The following KCNQ3 variants were observed in gnomAD, a reference collection of about 807,000 sequenced individuals.
KCNQ3 encodes potassium voltage-gated channel subfamily KQT member 3.
Under a neutral mutation model 92.5 loss-of-function variants are expected in KCNQ3, and 30 were observed. The ratio of observed to expected loss-of-function variants is 0.32; its 90% CI spans 0.24 to 0.44. The LOEUF is 0.44. Ranked by LOEUF, KCNQ3 falls within the 20% of genes least tolerant of loss-of-function variation. The pLI, the probability that KCNQ3 is intolerant of heterozygous loss-of-function variation, is 1.00. For synonymous variants in KCNQ3, 450 were observed against 468.8 expected (o/e 0.96, Z 0.52); for missense variants, 913 against 1,140.3 (o/e 0.80, Z 2.87).
At chr8:132,297,582 C>G (rs1586905769) in intron 1 of KCNQ3, among the ~76,000 whole-genome samples, 1 of 117,960 alleles carries the variant, frequency 8.5e-6, no homozygotes, top group South Asian at 3.0e-4. Flanking sequence ...CATAAATGTA[C>G]TCTAAATTAT....
chr8:132,315,419 C>A (rs1463328883), intron 1 of KCNQ3, among the ~76,000 whole-genome samples: 1 of 151,992 alleles, frequency 6.6e-6, no homozygotes, highest in African/African-American at 2.4e-5. Context: ...ATTCGGGGAG[C>A]AGAAGGGATA....
At chr8:132,406,232 T>C (rs1270871033) in intron 1 of KCNQ3, among the ~76,000 whole-genome samples, 7 of 152,118 alleles carry the variant, frequency 4.6e-5, no homozygotes, top group African/African-American at 1.7e-4. Flanking sequence ...AGGGTGCCAA[T>C]TGTTAACACT....
chr8:132,233,707 A>G (rs1028170503), intron 1 of KCNQ3, among the ~76,000 whole-genome samples: 3 of 152,244 alleles, frequency 2.0e-5, no homozygotes, highest in Non-Finnish European at 4.4e-5. Flanking sequence ...TAAGACAGAC[A>G]TCAGCCTAAA....
intron 1 of KCNQ3, among the ~76,000 whole-genome samples, chr8:132,315,855 G>A (rs1817728358): frequency 6.6e-6 from 1 of 152,118 alleles, no homozygotes; most frequent in Non-Finnish European, 1.5e-5. Context: ...TTATAAACTA[G>A]CCATAGTTCC....
chr8:132,349,937 C>T (rs957900625), intron 1 of KCNQ3, among the ~76,000 whole-genome samples: 30 of 152,224 alleles, frequency 2.0e-4, no homozygotes, highest in Non-Finnish European at 2.5e-4. Flanking sequence ...GGCTACACCA[C>T]TAGTAAGAGC....
At chr8:132,210,611 G>T (rs1356545979) in intron 1 of KCNQ3, among the ~76,000 whole-genome samples, 4 of 152,212 alleles carry the variant, frequency 2.6e-5, no homozygotes, top group Admixed American at 6.5e-5. Flanking sequence ...AGGCCACAAA[G>T]TGTTGGCCAG....
At chr8:132,208,026 C>T (rs896924861) in intron 1 of KCNQ3, among the ~76,000 whole-genome samples, 1 of 151,756 alleles carries the variant, frequency 6.6e-6, no homozygotes, top group African/African-American at 2.4e-5. Flanking sequence ...GCCATGATGG[C>T]TGATTGTTGT....
At chr8:132,243,664 C>T (rs1187533530) in intron 1 of KCNQ3, among the ~76,000 whole-genome samples, 1 of 152,192 alleles carries the variant, frequency 6.6e-6, no homozygotes, top group Non-Finnish European at 1.5e-5. Context: ...TGATTCCCAA[C>T]TTAACAGCTG....
At chr8:132,203,225 A>G (rs62519641) in intron 1 of KCNQ3, among the ~76,000 whole-genome samples, 10,342 of 152,262 alleles carry the variant, frequency 0.068, 506 homozygotes, top group African/African-American at 0.12. Context: ...ACACTGTTGC[A>G]TCGGGGAGTA....
intron 1 of KCNQ3, among the ~76,000 whole-genome samples, chr8:132,357,427 CAA>C (rs1297166310): frequency 6.6e-6 from 1 of 152,182 alleles, no homozygotes; most frequent in African/African-American, 2.4e-5. Flanking sequence ...GCACGAAAGG[CAA>C]AAGACTGGCA....
At chr8:132,348,413 C>A (rs1457776) in intron 1 of KCNQ3, among the ~76,000 whole-genome samples, 3 of 151,956 alleles carry the variant, frequency 2.0e-5, no homozygotes, top group Non-Finnish European at 4.4e-5. Flanking sequence ...ACAAGCCCTG[C>A]AACTGAGGGT....
intron 1 of KCNQ3, among the ~76,000 whole-genome samples, chr8:132,216,884 A>G (rs979900639): frequency 3.3e-5 from 5 of 152,108 alleles, no homozygotes; most frequent in African/African-American, 1.2e-4. Context: ...GCCAATTCCT[A>G]AGGAGTCCTG....
intron 1 of KCNQ3, among the ~76,000 whole-genome samples, chr8:132,355,113 T>G (rs995159211): frequency 2.0e-5 from 3 of 152,206 alleles, no homozygotes; most frequent in African/African-American, 7.2e-5. Flanking sequence ...CTTATCTATT[T>G]ATGAAAATGT....
intron 7 of KCNQ3, among the ~76,000 whole-genome samples, chr8:132,171,981 C>G (rs1465449092): frequency 1.3e-5 from 2 of 150,486 alleles, no homozygotes; most frequent in Non-Finnish European, 3.0e-5. Context: ...CATAGTAAGA[C>G]CTCATCTCTA....
intron 1 of KCNQ3, among the ~76,000 whole-genome samples, chr8:132,399,897 G>A (rs1050755850): frequency 2.0e-5 from 3 of 152,220 alleles, no homozygotes; most frequent in South Asian, 2.1e-4. Flanking sequence ...GAGGAGTTAA[G>A]AAAGGCTTCT....
At chr8:132,175,332 G>T in intron 5 of KCNQ3, 121 bp downstream of exon 5, 1 of 1,151,188 alleles carries the variant, frequency 8.7e-7, no homozygotes, top group East Asian at 2.3e-5. Context: ...AATTGGTCTA[G>T]AGCTTACCTC....
At position 132,129,903 on chromosome 8, in the gene KCNQ3, T is replaced by C; in HGVS notation, c.1978A>G (p.Thr660Ala). 1 of 1,614,104 alleles carries C rather than the reference T, an allele frequency of 6.2e-7. No homozygotes were observed. Residue 660 changes from threonine to alanine, a missense_variant, in exon 15 of 15, where the codon ACC becomes GCC. Physicochemically the swap from Thr to Ala is moderately conservative, Grantham distance 58 (BLOSUM62 0). Transcript: ENST00000388996. This position sits in a 1 kb window ranked among gnomAD's most constrained non-coding sequence, Gnocchi z 5.9. ...LQVQVTEYYPTKGTSSPAEAE... is the reference protein window; with the variant it reads ...LQVQVTEYYPAKGTSSPAEAE... ...TCAGCTGGCGAGGAGGTGCCCTTGG[T>C]TGGGTAATACTCCGTGACCTGCACC...
intron 1 of KCNQ3, among the ~76,000 whole-genome samples, chr8:132,391,682 C>A (rs575478760): frequency 6.6e-6 from 1 of 152,312 alleles, no homozygotes; most frequent in South Asian, 2.1e-4. Flanking sequence ...GAGAAAACAT[C>A]TTCCCCCTCC....
chr8:132,327,964 G>A (rs1352897206), intron 1 of KCNQ3, among the ~76,000 whole-genome samples: 1 of 152,024 alleles, frequency 6.6e-6, no homozygotes, highest in Middle Eastern at 3.2e-3. Context: ...AGGACCTGGG[G>A]CCTTAATCTC....
Sources: gnomAD v4.1 joint callset for allele counts (sites outside exome capture counted in the v4.1 genomes callset) on GRCh38, gnomAD v4.1.1 for gene constraint, Gnocchi (gnomAD v3.1) non-coding constraint, MANE v1.5 for transcripts, NCBI Gene and HGNC (gene_info 2026-07-23, HGNC 2026-07-21) for gene names.